LIFR: variants seen among roughly 807,000 people sequenced by gnomAD.
LIFR encodes the protein LIF receptor subunit alpha, also known as leukemia inhibitory factor receptor.
In LIFR, 84 loss-of-function variants were observed where a neutral mutation model predicts 122.2. The observed-to-expected ratio is 0.69, with a 90% CI of 0.58 to 0.82. The LOEUF (loss-of-function observed/expected upper bound fraction) is 0.82. Among genes scored for constraint, LIFR ranks in the 40% least tolerant of loss-of-function variants. LIFR has a pLI of 0.00. For synonymous variants in LIFR, 422 were observed against 434.7 expected (o/e 0.97, Z 0.36); for missense variants, 1,294 against 1,311.6 (o/e 0.99, Z 0.21).
chr5:38,568,272 T>G (rs981747712), intron 1 of LIFR, among the ~76,000 whole-genome samples: 1 of 152,160 alleles, frequency 6.6e-6, no homozygotes, highest in East Asian at 1.9e-4. Flanking sequence ...GGGGTTTCTA[T>G]GCTAAATGGA....
intron 5 of LIFR, among the ~76,000 whole-genome samples, chr5:38,522,471 T>G (rs914532656): frequency 2.6e-5 from 4 of 152,236 alleles, no homozygotes; most frequent in Admixed American, 6.5e-5. Flanking sequence ...TAGTCAGCCA[T>G]CTTGAAGTCC....
At chr5:38,580,703 C>G (rs191281647) in intron 1 of LIFR, among the ~76,000 whole-genome samples, 1 of 152,258 alleles carries the variant, frequency 6.6e-6, no homozygotes, top group Non-Finnish European at 1.5e-5. Flanking sequence ...TTTCCTAAAC[C>G]TGCTCTTTTT....
At chr5:38,588,872 C>T (rs1749831882) in intron 1 of LIFR, among the ~76,000 whole-genome samples, 1 of 152,062 alleles carries the variant, frequency 6.6e-6, no homozygotes, top group Admixed American at 6.6e-5. Flanking sequence ...CATTATTTCC[C>T]CAAATCATCT....
chr5:38,589,191 TA>T (rs1749846168), intron 1 of LIFR, among the ~76,000 whole-genome samples: 1 of 151,766 alleles, frequency 6.6e-6, no homozygotes, highest in Admixed American at 6.6e-5. Flanking sequence ...GTATTTTTAG[TA>T]GAGATGGTGT....
In LIFR at chr5:38,484,849, G is replaced by A. The variant is rs1300827920; in HGVS notation, c.2517C>T (p.Ala839=). 1.2e-6 allele frequency: 2 copies of A among 1,612,694 alleles called. No homozygotes were observed. The highest frequency in any genetic ancestry group is 2.2e-5 in the East Asian group (1 of 44,842). The change falls in exon 18 of 20, where the codon GCC becomes GCT. Residue 839 remains alanine (A), a synonymous_variant. Transcript: ENST00000453190. ...TKENSVGLII[A]ILIPVAVAVI... is the part of the protein sequence containing the mutation. The stretch of plus-strand genomic sequence containing the variant: ...CAGCCACTGCCACTGGGATGAGAAT[G>A]GCAATAATTAATCCCACAGCTGAAA...
rs886439361 is a variant in LIFR at position 38,477,848 on chromosome 5, T to A, written c.*3747A>T. ...AATAATCCCACATTTTACTCTGAGA[T>A]GCCCAATTTTACACTTTCAAAATAA... On this transcript the variant is annotated 3_prime_UTR_variant, in exon 20 of 20. Transcript: ENST00000453190. 1 of 216,228 alleles carries A rather than the reference T, an allele frequency of 4.6e-6. No individual in the cohort carries two copies. The highest frequency in any genetic ancestry group is 9.3e-6 in the Non-Finnish European group (1 of 107,102). 13.4% of individuals were successfully genotyped at this position (216,228 alleles called of 1,614,324 possible). A position where few individuals can be genotyped will look rare whatever the true frequency, so the allele number is the denominator to read the frequency against.
chr5:38,485,543 G>C (rs1255567763), intron 17 of LIFR: 4 of 482,016 alleles, frequency 8.3e-6, no homozygotes, highest in Non-Finnish European at 1.5e-5. Flanking sequence ...TTGACCGTTA[G>C]ATAAATTCAA....
chr5:38,589,421 A>G (rs1418461181), intron 1 of LIFR, among the ~76,000 whole-genome samples: 1 of 152,214 alleles, frequency 6.6e-6, no homozygotes, highest in Non-Finnish European at 1.5e-5. Flanking sequence ...ACTATTAAAA[A>G]AATAAAATGG....
intron 1 of LIFR, among the ~76,000 whole-genome samples, chr5:38,582,137 T>G (rs915017463): frequency 2.0e-5 from 3 of 151,814 alleles, no homozygotes; most frequent in Non-Finnish European, 4.4e-5. Context: ...CATAGATCAC[T>G]GCAGCCTCGA....
At chr5:38,573,043 T>C (rs1375184246) in intron 1 of LIFR, among the ~76,000 whole-genome samples, 1 of 152,248 alleles carries the variant, frequency 6.6e-6, no homozygotes, top group Non-Finnish European at 1.5e-5. Flanking sequence ...GTTTGGAAAT[T>C]CAGCCTTATT....
At chr5:38,592,823 T>C (rs2112766798) in intron 1 of LIFR, among the ~76,000 whole-genome samples, 1 of 152,266 alleles carries the variant, frequency 6.6e-6, no homozygotes. Flanking sequence ...AATTTAATGG[T>C]AATAAATGTG....
At chr5:38,519,419 T>C (rs1045854614) in intron 5 of LIFR, among the ~76,000 whole-genome samples, 5 of 152,158 alleles carry the variant, frequency 3.3e-5, no homozygotes, top group African/African-American at 1.2e-4. Context: ...GTCAGGGTAT[T>C]TGGGGTATCC....
chr5:38,520,708 A>G (rs1746353809), intron 5 of LIFR, among the ~76,000 whole-genome samples: 1 of 152,158 alleles, frequency 6.6e-6, no homozygotes, highest in Admixed American at 6.5e-5. Context: ...CCAACTATGT[A>G]TGTTCTTGGT....
chr5:38,595,727 C>CTTT (rs70978897), upstream of LIFR, among the ~76,000 whole-genome samples: 63 of 91,976 alleles, frequency 6.8e-4, 1 homozygote, highest in Admixed American at 9.9e-4. Flanking sequence ...CACAATAGGT[C>CTTT]TTTTTTTTTT....
chr5:38,496,706 C>T (rs1478013391), intron 12 of LIFR, 111 bp from the exon 13 acceptor site: 9 of 791,744 alleles, frequency 1.1e-5, no homozygotes, highest in South Asian at 2.8e-5. Flanking sequence ...GTTGGCCAGG[C>T]GTGGTGACTC....
At chr5:38,593,151 C>G (rs35857568) in intron 1 of LIFR, among the ~76,000 whole-genome samples, 1 of 151,432 alleles carries the variant, frequency 6.6e-6, no homozygotes, top group African/African-American at 2.4e-5. Context: ...TGCGGTGAGC[C>G]GAGGTCGAGC....
At position 38,602,212 on chromosome 5, in the gene LIFR, T is replaced by G. The variant is rs572335134; in HGVS notation, n.305+3993A>C. On this transcript the variant is annotated intron_variant and non_coding_transcript_variant, in intron 2 of 3. Transcript: ENST00000507786. ...GTAGGAAGCTGATGATGTTACTCCA[T>G]AGTTCAGTGACTTCTCATTGTCTCC... is the stretch of plus-strand genomic sequence containing the variant. Among the ~76,000 whole-genome samples, 17 of 152,298 alleles carry G rather than the reference T, an allele frequency of 1.1e-4. 1 individual carries two copies. The South Asian group carries it at 3.5e-3, about 32-fold the overall frequency.
At chr5:38,520,013 A>T (rs1325073182) in intron 5 of LIFR, among the ~76,000 whole-genome samples, 1 of 152,044 alleles carries the variant, frequency 6.6e-6, no homozygotes, top group African/African-American at 2.4e-5. Context: ...ATCCTATAGG[A>T]GTTCTCTTTT....
chr5:38,598,255 T>G (rs1302468697), upstream of LIFR, among the ~76,000 whole-genome samples: 1 of 57,372 alleles, frequency 1.7e-5, no homozygotes, highest in Non-Finnish European at 3.1e-5. Flanking sequence ...ATTTTTTTTT[T>G]TTTTCTTTTT....
Sources: allele counts gnomAD v4.1 joint callset (sites outside exome capture counted in the v4.1 genomes callset), GRCh38; gene constraint gnomAD v4.1.1; transcripts MANE v1.5; gene names NCBI Gene and HGNC (gene_info 2026-07-23, HGNC 2026-07-21).